EXOC4: variants seen among roughly 807,000 people sequenced by gnomAD.
The protein encoded by EXOC4 is SEC8-like 1.
Under a neutral mutation model 107.2 loss-of-function variants are expected in EXOC4, and 71 were observed. That is an observed-to-expected ratio of 0.66 (90% CI 0.55 to 0.81). EXOC4 has a LOEUF of 0.81. Among genes scored for constraint, EXOC4 ranks in the 30% least tolerant of loss-of-function variants. The pLI, the probability that EXOC4 is intolerant of heterozygous loss-of-function variation, is 0.00. For missense variants in EXOC4, 1,108 were observed against 1,189.6 expected (o/e 0.93, Z 1.01); for synonymous variants, 456 against 441.2 (o/e 1.03, Z -0.42).
At chr7:134,080,699 T>C in the EXOC4 span, among the ~76,000 whole-genome samples, 6 of 151,972 alleles carry the variant, frequency 3.9e-5, no homozygotes, top group African/African-American at 1.2e-4. Context: ...TCCCATTCTT[T>C]TGGGAGGCCG....
chr7:133,523,372 A>G (rs1368435234), intron 9 of EXOC4, among the ~76,000 whole-genome samples: 2 of 151,908 alleles, frequency 1.3e-5, no homozygotes, highest in Non-Finnish European at 2.9e-5. Flanking sequence ...TTTCCAAAGT[A>G]TGTTCACAGG....
At chr7:133,831,033 C>T (rs943344430) in intron 11 of EXOC4, among the ~76,000 whole-genome samples, 1 of 152,086 alleles carries the variant, frequency 6.6e-6, no homozygotes, top group Non-Finnish European at 1.5e-5. Flanking sequence ...GGCGCGATCT[C>T]GGCTCACTGC....
intron 7 of EXOC4, among the ~76,000 whole-genome samples, chr7:133,380,085 G>A (rs1796579924): frequency 6.6e-6 from 1 of 151,526 alleles, no homozygotes; most frequent in South Asian, 2.1e-4. Flanking sequence ...ACCAGAGCCT[G>A]TTGTGGGGTG....
At chr7:133,851,234 A>G (rs930885534) in intron 11 of EXOC4, among the ~76,000 whole-genome samples, 4 of 152,248 alleles carry the variant, frequency 2.6e-5, no homozygotes, top group Admixed American at 1.3e-4. Context: ...TGGAAAAATC[A>G]AGTAAACCAG....
At chr7:134,012,230 A>G (rs919889993) in intron 17 of EXOC4, among the ~76,000 whole-genome samples, 43 of 152,208 alleles carry the variant, frequency 2.8e-4, no homozygotes, top group Admixed American at 2.7e-3. Context: ...TGAAACTAAC[A>G]TCACAGTTGT....
intron 13 of EXOC4, among the ~76,000 whole-genome samples, chr7:133,923,232 G>A (rs10251418): frequency 3.3e-5 from 5 of 150,750 alleles, no homozygotes; most frequent in Non-Finnish European, 5.9e-5. Context: ...GGTTTCAAGA[G>A]ATTCTCCTGC....
Position 133,439,866 on chromosome 7 carries a change from A to G in EXOC4, c.1183-35462A>G, listed in dbSNP as rs147111126. Among the ~76,000 whole-genome samples the G allele has an allele frequency of 1.7e-3, 264 of 152,298 alleles. 1 individual carries two copies. The highest frequency in any genetic ancestry group is 6.1e-3 in the African/African-American group (252 of 41,546). The stretch of plus-strand genomic sequence containing the variant: ...ATTGTGTAATGTGTAGAGATTCCTA[A>G]CAATGAAGCCATCAGGGAGACTATA... On this transcript the variant is annotated intron_variant, in intron 7 of 17. Coordinates refer to ENST00000253861, the MANE Select transcript of EXOC4 (RefSeq NM_021807.4).
chr7:133,542,433 C>T (rs1460252682), intron 9 of EXOC4, among the ~76,000 whole-genome samples: 1 of 151,974 alleles, frequency 6.6e-6, no homozygotes, highest in Non-Finnish European at 1.5e-5. Flanking sequence ...TGGAATTGGG[C>T]AGGGGAAGGT....
intron 5 of EXOC4, among the ~76,000 whole-genome samples, chr7:133,326,481 C>T (rs571107412): frequency 6.6e-6 from 1 of 152,246 alleles, no homozygotes; most frequent in East Asian, 1.9e-4. Context: ...TACTCCAGAC[C>T]CTGTTTGCCT....
intron 6 of EXOC4, among the ~76,000 whole-genome samples, chr7:133,372,035 TG>T (rs1404177346): frequency 6.6e-6 from 1 of 152,250 alleles, no homozygotes; most frequent in Non-Finnish European, 1.5e-5. Context: ...ATATTTTCTT[TG>T]GAGCAATGGA....
chr7:134,038,725 T>C (rs529460322), intron 17 of EXOC4, among the ~76,000 whole-genome samples: 58 of 152,142 alleles, frequency 3.8e-4, no homozygotes, highest in Non-Finnish European at 8.8e-5. Flanking sequence ...GCTTGAGGCC[T>C]AGACCAAGCA....
chr7:133,314,488 G>T (rs1163993610), intron 4 of EXOC4, among the ~76,000 whole-genome samples: 5 of 152,122 alleles, frequency 3.3e-5, no homozygotes, highest in Non-Finnish European at 7.4e-5. Flanking sequence ...GAGTTTGAGG[G>T]CCCTTCTGGC....
chr7:133,713,833 T>C (rs978172948), intron 10 of EXOC4, among the ~76,000 whole-genome samples: 1 of 152,190 alleles, frequency 6.6e-6, no homozygotes, highest in African/African-American at 2.4e-5. Context: ...GTAAGTTTTC[T>C]GAGCCTCCCC....
At chr7:133,642,193 G>A (rs1802872983) in intron 10 of EXOC4, among the ~76,000 whole-genome samples, 1 of 151,988 alleles carries the variant, frequency 6.6e-6, no homozygotes, top group African/African-American at 2.4e-5. Context: ...CTCGCTGAGT[G>A]CTTACTATAT....
intron 10 of EXOC4, chr7:133,768,479 A>T (rs145971249): frequency 6.6e-6 from 1 of 151,970 alleles, no homozygotes; most frequent in Non-Finnish European, 1.5e-5. Flanking sequence ...CTGTGTCTAC[A>T]ACAGCAACTG....
intron 2 of EXOC4, 109 bp from the exon 3 acceptor site, chr7:133,288,813 A>C: frequency 1.2e-6 from 1 of 831,768 alleles, no homozygotes; most frequent in Non-Finnish European, 1.9e-6. Flanking sequence ...TGGCAGTGGG[A>C]ATTAGGAACT....
chr7:134,085,579 A>T, the EXOC4 span, among the ~76,000 whole-genome samples: 1 of 152,332 alleles, frequency 6.6e-6, no homozygotes, highest in Admixed American at 6.5e-5. Context: ...TATAACCTGG[A>T]TTTAGAGCTC....
intron 10 of EXOC4, among the ~76,000 whole-genome samples, chr7:133,661,898 G>A (rs188051528): frequency 8.5e-5 from 13 of 152,050 alleles, no homozygotes; most frequent in South Asian, 2.1e-4. Context: ...GAAATTAAAC[G>A]TGAAATTAAG....
chr7:133,520,401 G>A (rs912274881), intron 9 of EXOC4, among the ~76,000 whole-genome samples: 7 of 152,112 alleles, frequency 4.6e-5, no homozygotes, highest in African/African-American at 1.4e-4. Context: ...AAATGTCTGA[G>A]TATGAACAAA....
Sources: allele counts gnomAD v4.1 joint callset (sites outside exome capture counted in the v4.1 genomes callset), GRCh38; gene constraint gnomAD v4.1.1; transcripts MANE v1.5; gene names NCBI Gene and HGNC (gene_info 2026-07-23, HGNC 2026-07-21).